Variants in EPB41L4A observed in about 807,000 individuals in gnomAD.
EPB41L4A encodes the protein erythrocyte membrane protein band 4.1 like 4A, also known as band 4.1-like protein 4A.
Under a neutral mutation model 108.6 loss-of-function variants are expected in EPB41L4A, and 100 were observed. That is an observed-to-expected ratio of 0.92 (90% confidence interval 0.78 to 1.09). The LOEUF is 1.09. Ranked by LOEUF, EPB41L4A falls within the 50% of genes least tolerant of loss-of-function variation. EPB41L4A has a pLI of 0.00. For synonymous variants in EPB41L4A, 319 were observed against 289.0 expected (o/e 1.10, Z -1.05); for missense variants, 1,030 against 842.7 (o/e 1.22, Z -2.75).
chr5:112,208,298 T>A (rs1762568367), intron 13 of EPB41L4A, among the ~76,000 whole-genome samples: 1 of 149,078 alleles, frequency 6.7e-6, no homozygotes, highest in Non-Finnish European at 1.5e-5. Flanking sequence ...GCAGCACTAT[T>A]CACAATAGCA....
chr5:112,321,640 T>C (rs953498392), intron 1 of EPB41L4A, among the ~76,000 whole-genome samples: 13 of 152,234 alleles, frequency 8.5e-5, no homozygotes, highest in African/African-American at 1.9e-4. Context: ...GGAGCATTTC[T>C]GCCCTGGTCT....
At chr5:112,354,608 C>A (rs532811509) in intron 1 of EPB41L4A, among the ~76,000 whole-genome samples, 1 of 152,330 alleles carries the variant, frequency 6.6e-6, no homozygotes, top group South Asian at 2.1e-4. Flanking sequence ...CATAAGTTAT[C>A]AGTCGAGTAA....
chr5:112,350,969 C>T (rs1407343175), intron 1 of EPB41L4A, among the ~76,000 whole-genome samples: 4 of 152,158 alleles, frequency 2.6e-5, no homozygotes, highest in African/African-American at 9.7e-5. Flanking sequence ...GTATACTGAT[C>T]GCCTTTCTTT....
chr5:112,182,540 AC>A (rs1761210345), intron 18 of EPB41L4A, among the ~76,000 whole-genome samples: 1 of 152,222 alleles, frequency 6.6e-6, no homozygotes. Flanking sequence ...AATTAAATGT[AC>A]TACTGGCATT....
chr5:112,400,902 T>G lies in EPB41L4A; in HGVS notation c.99+18039A>C, dbSNP rs74779023. On this transcript the variant is annotated intron_variant, in intron 1 of 22. Transcript: ENST00000261486. Reference sequence around the variant, plus strand: ...CTTGAGTGCAAGTACTGTTAAAACTTCCATGGAACTGACTGGCTCCCTATT... The same window carrying G: ...CTTGAGTGCAAGTACTGTTAAAACTGCCATGGAACTGACTGGCTCCCTATT... Among the ~76,000 whole-genome samples, 54 of 152,298 alleles carry G rather than the reference T, an allele frequency of 3.5e-4. No individual in the cohort carries two copies. In the East Asian group the frequency reaches 0.01, roughly 29 times the overall value.
At chr5:112,340,588 G>A (rs1272516309) in intron 1 of EPB41L4A, among the ~76,000 whole-genome samples, 1 of 152,092 alleles carries the variant, frequency 6.6e-6, no homozygotes, top group Non-Finnish European at 1.5e-5. Context: ...AGACTAAATA[G>A]CAATAAAAAC....
rs75239544 is a variant in EPB41L4A at position 112,275,877 on chromosome 5, G to A, written c.257-473C>T. On this transcript the variant is annotated intron_variant, in intron 3 of 22. Coordinates refer to ENST00000261486, the MANE Select transcript of EPB41L4A (RefSeq NM_022140.5). ...GCCACAGGACATATACCATGCAAAT[G>A]TTTAAACAGACAGAAGGGCATCTGC... Among the ~76,000 whole-genome samples, 854 of 152,282 alleles carry A rather than the reference G, an allele frequency of 5.6e-3. 3 individuals carry two copies. Among genetic ancestry groups the A allele is most frequent in the Middle Eastern group, 0.01 (3 of 294 alleles).
chr5:112,324,777 A>G (rs11953449), intron 1 of EPB41L4A, among the ~76,000 whole-genome samples: 57,051 of 150,398 alleles, frequency 0.38, 13,039 homozygotes, highest in African/African-American at 0.65. Flanking sequence ...ACAAAAAATA[A>G]GGGGAGGGGA....
intron 18 of EPB41L4A, among the ~76,000 whole-genome samples, chr5:112,171,390 G>T (rs2150205042): frequency 6.6e-6 from 1 of 152,302 alleles, no homozygotes; most frequent in South Asian, 2.1e-4. Context: ...CATGATCTGT[G>T]ATTACCTAGG....
At position 112,262,540 on chromosome 5, in the gene EPB41L4A, GTCC is replaced by G. The variant is rs778614259; in HGVS notation, c.593_595del (p.Arg198del). The G allele has an allele frequency of 8.1e-6, 13 of 1,614,150 alleles. No individual in the cohort carries two copies. The highest frequency in any genetic ancestry group is 1.1e-5 in the Non-Finnish European group (13 of 1,180,010). The stretch of plus-strand genomic sequence containing the variant: ...GCCATACATCTCCAGGGATTTGGCA[GTCC>G]TCAAGTAATTCAGCTCAGCCTCAGA... On this transcript the variant is annotated inframe_deletion, in exon 7 of 23. Transcript: ENST00000261486.
In EPB41L4A at chr5:112,234,718, T is replaced by C. The variant is rs772393395; in HGVS notation, c.1003A>G (p.Ile335Val). The C allele has an allele frequency of 1.9e-6, 3 of 1,613,006 alleles. No homozygotes were observed. In the South Asian group the frequency reaches 3.3e-5, roughly 18 times the overall value. The change falls in exon 12 of 23, where the codon ATT (isoleucine) becomes GTT (valine). Residue 335 changes from isoleucine (I) to valine (V), a missense_variant. Coordinates refer to ENST00000261486, the MANE Select transcript of EPB41L4A (RefSeq NM_022140.5). ...TALQMSRDLS[I>V]QLPRPDQNVT... is the part of the protein sequence containing the mutation. Reference sequence around the variant, plus strand: ...TTCTGATCAGGCCGGGGAAGCTGAATAGAAAGATCTCGGCTCATTTGCAAA... The same window carrying C: ...TTCTGATCAGGCCGGGGAAGCTGAACAGAAAGATCTCGGCTCATTTGCAAA...
intron 1 of EPB41L4A, among the ~76,000 whole-genome samples, chr5:112,334,238 G>A (rs1362676160): frequency 6.6e-6 from 1 of 152,010 alleles, no homozygotes; most frequent in East Asian, 1.9e-4. Flanking sequence ...ACAAATAGCA[G>A]ACCCTAAAAG....
chr5:112,193,518 C>G (rs1374323791), intron 17 of EPB41L4A, among the ~76,000 whole-genome samples: 2 of 152,190 alleles, frequency 1.3e-5, no homozygotes, highest in Non-Finnish European at 2.9e-5. Flanking sequence ...TCAGGCTGGT[C>G]TCGAACTCCC....
At chr5:112,407,091 C>T (rs144726651) in intron 1 of EPB41L4A, among the ~76,000 whole-genome samples, 10 of 152,040 alleles carry the variant, frequency 6.6e-5, no homozygotes, top group Non-Finnish European at 1.3e-4. Flanking sequence ...GCATGAGTGG[C>T]TGACAGGAAA....
At chr5:112,306,637 TG>T (rs1404528885) in intron 2 of EPB41L4A, among the ~76,000 whole-genome samples, 2 of 152,178 alleles carry the variant, frequency 1.3e-5, no homozygotes, top group African/African-American at 4.8e-5. Flanking sequence ...AGGGTATTTC[TG>T]AGATAAGCAT....
At chr5:112,389,590 G>C (rs1580810761) in intron 1 of EPB41L4A, among the ~76,000 whole-genome samples, 1 of 152,128 alleles carries the variant, frequency 6.6e-6, no homozygotes, top group South Asian at 2.1e-4. Context: ...CTATCTCTCT[G>C]TCCCACTTTA....
At chr5:112,413,250 C>T (rs1224842658) in intron 1 of EPB41L4A, among the ~76,000 whole-genome samples, 1 of 152,168 alleles carries the variant, frequency 6.6e-6, no homozygotes, top group Non-Finnish European at 1.5e-5. Context: ...GAAATAGCTG[C>T]TAGTCAGCTT....
intron 18 of EPB41L4A, among the ~76,000 whole-genome samples, chr5:112,181,438 G>A (rs377351591): frequency 6.6e-6 from 1 of 151,476 alleles, no homozygotes; most frequent in Non-Finnish European, 1.5e-5. Flanking sequence ...GCGACAGAGC[G>A]AGACTCTGTC....
intron 1 of EPB41L4A, among the ~76,000 whole-genome samples, chr5:112,389,485 A>G (rs1030862469): frequency 4.6e-5 from 7 of 152,244 alleles, no homozygotes; most frequent in African/African-American, 1.7e-4. Flanking sequence ...CAAATAGGCC[A>G]GTTTCAATCT....
Sources: allele counts gnomAD v4.1 joint callset (sites outside exome capture counted in the v4.1 genomes callset), GRCh38; gene constraint gnomAD v4.1.1; transcripts MANE v1.5; gene names NCBI Gene and HGNC (gene_info 2026-07-23, HGNC 2026-07-21).